TRIQK: variants seen among roughly 807,000 people sequenced by gnomAD.
TRIQK encodes the protein triple QxxK/R motif containing, also known as triple QxxK/R motif-containing protein.
A neutral mutation model predicts 10.8 loss-of-function variants in TRIQK; 10 were observed. The ratio of observed to expected loss-of-function variants is 0.92; its 90% confidence interval spans 0.57 to 1.57. The LOEUF (loss-of-function observed/expected upper bound fraction) is 1.57. TRIQK is among the 40% of genes most tolerant of loss of function. The pLI, the probability that TRIQK is intolerant of heterozygous loss-of-function variation, is 0.00. For synonymous variants in TRIQK, 33 were observed against 33.7 expected (o/e 0.98, Z 0.07); for missense variants, 107 against 97.7 (o/e 1.09, Z -0.40).
intron 2 of TRIQK, among the ~76,000 whole-genome samples, chr8:92,941,654 T>C (rs1811276873): frequency 6.6e-6 from 1 of 152,102 alleles, no homozygotes; most frequent in Non-Finnish European, 1.5e-5. Flanking sequence ...AGTTAGTTGT[T>C]TTTTGCAAAG....
At chr8:92,919,226 A>T (rs531258693) in intron 2 of TRIQK, among the ~76,000 whole-genome samples, 15 of 151,948 alleles carry the variant, frequency 9.9e-5, no homozygotes, top group African/African-American at 3.6e-4. Flanking sequence ...TTCCATGTGA[A>T]TTTTAGGATT....
intron 1 of TRIQK, among the ~76,000 whole-genome samples, chr8:92,964,077 T>A (rs1293457765): frequency 4.6e-5 from 7 of 152,076 alleles, no homozygotes; most frequent in Non-Finnish European, 7.4e-5. Context: ...TCCCGTTTGT[T>A]AGTGCTCAAA....
intron 1 of TRIQK, among the ~76,000 whole-genome samples, chr8:92,988,531 G>T (rs577271225): frequency 4.6e-5 from 7 of 152,040 alleles, no homozygotes; most frequent in Non-Finnish European, 1.0e-4. Flanking sequence ...TCATAAACTC[G>T]ATTTCATTTT....
At position 92,886,567 on chromosome 8, in the gene TRIQK, C is replaced by A; in HGVS notation, c.*55G>T. On this transcript the variant is annotated 3_prime_UTR_variant, in exon 5 of 5. Transcript: ENST00000521988. ...CAGTTTCAGTATTGAAAGTTTTGGT[C>A]CCAAAAGGTGCTTTCGTAAAGTTAT... 8.8e-7 allele frequency: 1 copy of A among 1,133,498 alleles called. No homozygotes were observed. The highest frequency in any genetic ancestry group is 1.5e-5 in the South Asian group (1 of 65,988). 70.2% of individuals were successfully genotyped at this position (1,133,498 alleles called of 1,614,324 possible). A position where few individuals can be genotyped will look rare whatever the true frequency, so the allele number is the denominator to read the frequency against.
intron 3 of TRIQK, among the ~76,000 whole-genome samples, chr8:92,907,815 AAC>A (rs1809357810): frequency 6.6e-6 from 1 of 152,132 alleles, no homozygotes; most frequent in Non-Finnish European, 1.5e-5. Context: ...CTATAAAAAA[AAC>A]ACACATTTAT....
At chr8:92,945,671 A>G (rs1811493428) in intron 2 of TRIQK, among the ~76,000 whole-genome samples, 1 of 152,202 alleles carries the variant, frequency 6.6e-6, no homozygotes, top group African/African-American at 2.4e-5. Flanking sequence ...CCATATAGGT[A>G]TGTATATAGA....
chr8:92,963,986 G>T (rs1405589178), intron 1 of TRIQK: 1 of 152,062 alleles, frequency 6.6e-6, no homozygotes, highest in Non-Finnish European at 1.5e-5. Flanking sequence ...GCTTTAAGAG[G>T]TTATGATCAA....
upstream of TRIQK, among the ~76,000 whole-genome samples, chr8:92,967,730 G>A (rs753112025): frequency 2.7e-5 from 4 of 149,508 alleles, no homozygotes; most frequent in Non-Finnish European, 5.9e-5. Flanking sequence ...CCTGAGGCAG[G>A]AGAATTGCTT....
chr8:92,997,430 ACTTTGAGATAT>A (rs1320882231), intron 1 of TRIQK, among the ~76,000 whole-genome samples: 1 of 152,068 alleles, frequency 6.6e-6, no homozygotes, highest in Non-Finnish European at 1.5e-5. Context: ...GTTACAAAGT[ACTTTGAGATAT>A]CTAGGTTACA....
intron 2 of TRIQK, among the ~76,000 whole-genome samples, chr8:92,919,399 G>A (rs760483635): frequency 1.3e-5 from 2 of 151,730 alleles, no homozygotes; most frequent in African/African-American, 2.4e-5. Context: ...TGAAATAATC[G>A]TATGGTGTTT....
upstream of TRIQK, among the ~76,000 whole-genome samples, chr8:92,967,838 A>AC (rs1172222457): frequency 1.5e-4 from 22 of 150,918 alleles, no homozygotes; most frequent in Non-Finnish European, 3.0e-5. Context: ...AAAAAAAAAA[A>AC]AAAATTAGTT....
chr8:92,941,045 A>G (rs781137275), intron 2 of TRIQK: 1 of 152,128 alleles, frequency 6.6e-6, no homozygotes, highest in Non-Finnish European at 1.5e-5. Flanking sequence ...TAATGAAGAA[A>G]TTAAAAGGGA....
At chr8:92,951,611 C>G (rs1181932569) in intron 2 of TRIQK, among the ~76,000 whole-genome samples, 1 of 152,040 alleles carries the variant, frequency 6.6e-6, no homozygotes, top group African/African-American at 2.4e-5. Flanking sequence ...GAGTTTTACC[C>G]CCAGGAGCTC....
intron 1 of TRIQK, among the ~76,000 whole-genome samples, chr8:92,994,504 T>C (rs963224947): frequency 1.3e-5 from 2 of 152,126 alleles, no homozygotes; most frequent in African/African-American, 4.8e-5. Flanking sequence ...AGTCCATTCA[T>C]ATTTAGAGGA....
At chr8:92,909,946 A>G (rs1809484900) in intron 3 of TRIQK, among the ~76,000 whole-genome samples, 1 of 151,594 alleles carries the variant, frequency 6.6e-6, no homozygotes, top group South Asian at 2.1e-4. Context: ...TTAAACAACG[A>G]CATGTTTCAG....
intron 1 of TRIQK, among the ~76,000 whole-genome samples, chr8:92,976,337 T>C (rs1812931725): frequency 6.6e-6 from 1 of 152,076 alleles, no homozygotes; most frequent in Non-Finnish European, 1.5e-5. Flanking sequence ...TGTCATTATG[T>C]GCATATGTTA....
intron 4 of TRIQK, among the ~76,000 whole-genome samples, chr8:92,888,567 G>A (rs1054547810): frequency 1.3e-5 from 2 of 151,562 alleles, no homozygotes; most frequent in Non-Finnish European, 1.5e-5. Context: ...TGTCGGGAGA[G>A]TTGAAACGAT....
chr8:92,981,682 C>T (rs1680254467), intron 1 of TRIQK, among the ~76,000 whole-genome samples: 1 of 151,786 alleles, frequency 6.6e-6, no homozygotes, highest in Admixed American at 6.6e-5. Context: ...ATTAACATTG[C>T]TATACTTTTT....
intron 2 of TRIQK, among the ~76,000 whole-genome samples, chr8:92,936,680 G>A (rs1029532590): frequency 1.3e-5 from 2 of 151,386 alleles, no homozygotes; most frequent in Non-Finnish European, 3.0e-5. Flanking sequence ...AAGAGCATAG[G>A]GGATTGGAAA....
Sources: gnomAD v4.1 joint callset for allele counts (sites outside exome capture counted in the v4.1 genomes callset) on GRCh38, gnomAD v4.1.1 for gene constraint, MANE v1.5 for transcripts, NCBI Gene and HGNC (gene_info 2026-07-23, HGNC 2026-07-21) for gene names.